Variants in RASA3 observed in about 807,000 individuals in gnomAD.
The protein encoded by RASA3 is ras GTPase-activating protein 3.
Under a neutral mutation model 110.0 loss-of-function variants are expected in RASA3, and 73 were observed. That is an observed-to-expected ratio of 0.66 (90% CI 0.55 to 0.81). The LOEUF is 0.81. RASA3 is among the 30% of genes least tolerant of loss of function. The pLI, the probability that RASA3 is intolerant of heterozygous loss-of-function variation, is 0.00. For synonymous variants in RASA3, 500 were observed against 451.4 expected (o/e 1.11, Z -1.37); for missense variants, 976 against 1,113.2 (o/e 0.88, Z 1.75).
chr13:113,992,380 A>C, intron 22 of RASA3, 105 bp downstream of exon 22: 1 of 854,164 alleles, frequency 1.2e-6, no homozygotes. Context: ...CCCACACTAC[A>C]CCAGAGGCTC....
intron 3 of RASA3, among the ~76,000 whole-genome samples, chr13:114,043,837 G>GCCCCCCCCCCCCCCCCCCCCCCCCC (rs544129523): frequency 4.4e-5 from 1 of 22,826 alleles, no homozygotes; most frequent in African/African-American, 3.4e-4. Context: ...CACTCGCTGA[G>GCCCCCCCCCCCCCCCCCCCCCCCCC]CCCCCCGCCC....
intron 23 of RASA3, among the ~76,000 whole-genome samples, chr13:113,980,450 TGTGTG>T (rs1566437471): frequency 1.1e-3 from 115 of 100,756 alleles, no homozygotes; most frequent in Non-Finnish European, 1.6e-3. Flanking sequence ...TCCTGCCATG[TGTGTG>T]CACCTCCACC....
chr13:114,030,460 A>AG (rs2054134612), intron 4 of RASA3, among the ~76,000 whole-genome samples: 2 of 98,494 alleles, frequency 2.0e-5, no homozygotes, highest in Non-Finnish European at 2.2e-5. Context: ...CAAGGCTCAC[A>AG]CAGAGGGCAA....
intron 2 of RASA3, among the ~76,000 whole-genome samples, chr13:114,062,671 G>A (rs560590436): frequency 3.3e-5 from 5 of 152,064 alleles, no homozygotes; most frequent in East Asian, 3.9e-4. Flanking sequence ...CACAGCCCAC[G>A]TCCGCATGCA....
intron 2 of RASA3, among the ~76,000 whole-genome samples, chr13:114,067,010 G>A (rs1293604715): frequency 6.6e-6 from 1 of 150,534 alleles, no homozygotes; most frequent in Non-Finnish European, 1.5e-5. Context: ...CCCCAACCTG[G>A]GCTGAGGACG....
chr13:114,043,688 C>T (rs1217795685), intron 3 of RASA3, among the ~76,000 whole-genome samples: 1 of 152,062 alleles, frequency 6.6e-6, no homozygotes, highest in East Asian at 1.9e-4. Context: ...AAACAGGCCC[C>T]AGCACATGTG....
chr13:114,068,148 C>T (rs2079485991), intron 2 of RASA3, among the ~76,000 whole-genome samples: 1 of 152,202 alleles, frequency 6.6e-6, no homozygotes, highest in East Asian at 1.9e-4. Context: ...CCTGTTGTGG[C>T]CACGGCCCCT....
rs568339897 is a variant in RASA3, at chr13:114,023,121, G to C, written c.680+1158C>G. On this transcript the variant is annotated intron_variant, in intron 8 of 23. Transcript: ENST00000334062. ...CACCGGCTCCACGTGTCCCATTAAG[G>C]GTCCCCCCAGGGCAGTGTTAGCCCC... 1.4e-4 allele frequency among the ~76,000 whole-genome samples: 22 copies of C among 152,340 alleles called. No homozygotes were observed. The East Asian group carries it at 4.1e-3, about 28-fold the overall frequency.
rs115738226 is a variant in RASA3 at position 114,013,532 on chromosome 13, G to C, written c.1406-284C>G. ...CTATTTGTCTCTCTCTCATCTCTCT[G>C]TCTCTCTCCCTCTCTTTGTCCCTCT... On this transcript the variant is annotated intron_variant, in intron 14 of 23. Coordinates refer to ENST00000334062, the MANE Select transcript of RASA3 (RefSeq NM_007368.4). 8.6e-3 allele frequency among the ~76,000 whole-genome samples: 1,059 copies of C among 122,516 alleles called. 11 individuals carry two copies. The highest frequency in any genetic ancestry group is 0.033 in the African/African-American group (1,007 of 30,550). The allele number at this position is 122,516 out of a possible 152,430, so 80.4% of individuals were successfully genotyped here. A position where few individuals can be genotyped will look rare whatever the true frequency, so the allele number is the denominator to read the frequency against.
chr13:114,125,393 A>C (rs1239996038), intron 1 of RASA3, among the ~76,000 whole-genome samples: 1 of 152,170 alleles, frequency 6.6e-6, no homozygotes, highest in African/African-American at 2.4e-5. Context: ...GTCATGGCAG[A>C]AGGTGAAGGG....
rs1470914775 is a variant in RASA3 at position 114,065,852 on chromosome 13, T to C, written c.173+7868A>G. On this transcript the variant is annotated intron_variant, in intron 2 of 23. Transcript: ENST00000334062. The surrounding 1 kb of genome is among the most constrained non-coding windows in gnomAD (Gnocchi z 4.1). ...GCAGCCTCCTGTGGTTCAAGATGGG[T>C]GGGGTTATTTTGAAATGTTGGCAAA... Among the ~76,000 whole-genome samples the C allele has an allele frequency of 2.6e-5, 4 of 152,078 alleles. No homozygotes were observed. Among genetic ancestry groups the C allele is most frequent in the African/African-American group, 9.7e-5 (4 of 41,404 alleles).
intron 1 of RASA3, among the ~76,000 whole-genome samples, chr13:114,099,525 G>A (rs978857203): frequency 7.3e-5 from 11 of 151,526 alleles, no homozygotes; most frequent in Non-Finnish European, 1.3e-4. Flanking sequence ...CACACAGCGC[G>A]TCTCCCTCCT....
chr13:114,052,012 C>T (rs763172167), intron 3 of RASA3, 40 bp downstream of exon 3: 11 of 1,471,284 alleles, frequency 7.5e-6, no homozygotes, highest in African/African-American at 2.8e-5. Context: ...TGGTACAGAA[C>T]AGGCAGAAAA....
intron 18 of RASA3, among the ~76,000 whole-genome samples, chr13:114,001,725 G>C (rs987252209): frequency 4.0e-5 from 6 of 151,886 alleles, no homozygotes; most frequent in Admixed American, 2.6e-4. Context: ...CCGCGGGCTC[G>C]GGGTCAGAGC....
chr13:114,016,073 C>T, intron 13 of RASA3, 124 bp downstream of exon 13: 1 of 784,456 alleles, frequency 1.3e-6, no homozygotes, highest in East Asian at 2.8e-5. Flanking sequence ...GGCGGGTATC[C>T]CCACGCCTGG....
intron 1 of RASA3, among the ~76,000 whole-genome samples, chr13:114,089,601 GGACATCAGCCCTGCACA>G (rs2079866122): frequency 2.0e-5 from 3 of 152,064 alleles, no homozygotes; most frequent in South Asian, 2.1e-4. Context: ...AGCCCTGCAC[GGACATCAGCCCTGCACA>G]GACATCAGCC....
intron 1 of RASA3, among the ~76,000 whole-genome samples, chr13:114,104,250 T>G (rs2080102186): frequency 1.2e-5 from 1 of 80,934 alleles, no homozygotes; most frequent in Admixed American, 1.5e-4. Flanking sequence ...GCGTCCACAC[T>G]GCCACGGCCA....
rs796759112 is a variant in RASA3, at chr13:114,056,223, CAATGCGTGTCT to C, written c.174-4079_174-4069del. Among the ~76,000 whole-genome samples, 8 of 152,236 alleles carry C rather than the reference CAATGCGTGTCT, an allele frequency of 5.3e-5. No individual in the cohort carries two copies. Among genetic ancestry groups the C allele is most frequent in the African/African-American group, 1.9e-4 (8 of 41,532 alleles). On this transcript the variant is annotated intron_variant, in intron 2 of 23. Transcript: ENST00000334062. The surrounding 1 kb of genome is among the most constrained non-coding windows in gnomAD (Gnocchi z 5.7). ...GTCCGATGAATGTCCAGTGCGTGTC[CAATGCGTGTCT>C]GGTGAGTGGTGAGTGTCTGGTGTGT...
intron 2 of RASA3, among the ~76,000 whole-genome samples, chr13:114,062,736 G>A (rs2079381728): frequency 6.6e-6 from 1 of 152,234 alleles, no homozygotes. Context: ...AGACATGCGT[G>A]CTCACAGCCT....
Sources: allele counts gnomAD v4.1 joint callset (sites outside exome capture counted in the v4.1 genomes callset), GRCh38; gene constraint gnomAD v4.1.1; non-coding constraint Gnocchi (gnomAD v3.1); transcripts MANE v1.5; gene names NCBI Gene and HGNC (gene_info 2026-07-23, HGNC 2026-07-21).